The following ZNF37A variants were observed in gnomAD, a reference collection of about 807,000 sequenced individuals.
ZNF37A encodes the protein zinc finger protein 37a (KOX 21).
Under a neutral mutation model 12.3 loss-of-function variants are expected in ZNF37A, and 10 were observed. That is an observed-to-expected ratio of 0.82 (90% CI 0.50 to 1.38). ZNF37A has a LOEUF of 1.38. Ranked by LOEUF, ZNF37A falls within the 40% of genes most tolerant of loss-of-function variation. ZNF37A has a pLI of 0.00. For missense variants in ZNF37A, 580 were observed against 651.2 expected (o/e 0.89, Z 1.19); for synonymous variants, 207 against 223.0 (o/e 0.93, Z 0.64).
intron 5 of ZNF37A, among the ~76,000 whole-genome samples, chr10:38,104,336 T>C (rs2067849789): frequency 1.3e-5 from 2 of 152,216 alleles, no homozygotes; most frequent in Non-Finnish European, 2.9e-5. Flanking sequence ...TACAGTTCTC[T>C]GAAAACAAGG....
Position 38,115,259 on chromosome 10 carries a change from A to C in ZNF37A, c.207A>C (p.Leu69Phe), listed in dbSNP as rs2069177329. The C allele has an allele frequency of 6.2e-7, 1 of 1,613,784 alleles. No homozygotes were observed. The highest frequency in any genetic ancestry group is 8.5e-7 in the Non-Finnish European group (1 of 1,179,936). Residue 69 changes from leucine to phenylalanine, a missense_variant, in exon 7 of 8, where the codon TTA becomes TTC. Transcript: ENST00000685332. Reference sequence around the variant, plus strand: ...AGAAAGGCGAGGAGCCATGGATATTAGAGGAAAAATTTCCAAGCCAGAGTC... The same window carrying C: ...AGAAAGGCGAGGAGCCATGGATATTCGAGGAAAAATTTCCAAGCCAGAGTC... ...KLEKGEEPWI[L>F]EEKFPSQSHL...
intron 5 of ZNF37A, among the ~76,000 whole-genome samples, chr10:38,104,602 T>G (rs760488391): frequency 5.9e-5 from 9 of 152,140 alleles, no homozygotes; most frequent in Non-Finnish European, 1.3e-4. Flanking sequence ...GCCTGGCCCA[T>G]CTTGTCCTTT....
chr10:38,135,357 G>A (rs2070094362), intron 7 of ZNF37A, among the ~76,000 whole-genome samples: 1 of 152,332 alleles, frequency 6.6e-6, no homozygotes, highest in Non-Finnish European at 1.5e-5. Context: ...TTGCACTTCA[G>A]CCTGGTGACA....
At chr10:38,115,953 G>T (rs952056362) in intron 7 of ZNF37A, among the ~76,000 whole-genome samples, 2 of 151,974 alleles carry the variant, frequency 1.3e-5, no homozygotes, top group African/African-American at 4.8e-5. Context: ...TAATTTTTGT[G>T]ATCTCAGCTA....
In ZNF37A at chr10:38,096,480, G is replaced by A. The variant is rs368591138; in HGVS notation, c.-44-94G>A. The A allele has an allele frequency of 9.9e-5, 76 of 769,720 alleles. 1 individual carries two copies. In the East Asian group the frequency reaches 1.6e-3, roughly 16 times the overall value. 47.7% of individuals were successfully genotyped at this position (769,720 alleles called of 1,614,324 possible). On this transcript the variant is annotated intron_variant, in intron 4 of 7. Transcript: ENST00000685332. ...AATCATGCCAGAGTCATGCATGGGCGTGTGAGTATCTCCCTTTCAGAGATG... is the reference window on the plus strand; with the variant it reads ...AATCATGCCAGAGTCATGCATGGGCATGTGAGTATCTCCCTTTCAGAGATG...
intron 4 of ZNF37A, 22 bp from the exon 5 acceptor site, chr10:38,096,552 A>G: frequency 6.4e-7 from 1 of 1,572,808 alleles, no homozygotes; most frequent in Non-Finnish European, 8.7e-7. Flanking sequence ...GACATCACTC[A>G]TGATCTTTTC....
intron 7 of ZNF37A, among the ~76,000 whole-genome samples, chr10:38,145,635 C>T (rs1185732854): frequency 2.0e-5 from 3 of 152,170 alleles, no homozygotes; most frequent in African/African-American, 4.8e-5. Flanking sequence ...TGGGTCACTG[C>T]GCAGCGGAAA....
chr10:38,103,501 G>T (rs2067767813), intron 5 of ZNF37A, among the ~76,000 whole-genome samples: 5 of 152,124 alleles, frequency 3.3e-5, no homozygotes, highest in South Asian at 2.1e-4. Flanking sequence ...TAGAACAGAT[G>T]ATTTAAATTC....
chr10:38,145,465 T>TAAAATATTTTAAAGTATA (rs2070240549), intron 7 of ZNF37A, among the ~76,000 whole-genome samples: 1 of 152,228 alleles, frequency 6.6e-6, no homozygotes. Context: ...TTTTATACTT[T>TAAAATATTTTAAAGTATA]AAAATATGTG....
chr10:38,117,994 C>T lies in ZNF37A; in HGVS notation c.843C>T (p.Thr281=), dbSNP rs755526220. 6.2e-7 allele frequency: 1 copy of T among 1,613,776 alleles called. No individual in the cohort carries two copies. The highest frequency in any genetic ancestry group is 8.5e-7 in the Non-Finnish European group (1 of 1,179,970). The change falls in exon 8 of 8, where the codon ACC becomes ACT. Residue 281 remains threonine (T), a synonymous_variant. Transcript: ENST00000685332. Reference sequence around the variant, plus strand: ...GTCATGAATGTGGAAAAACCTTCACCCAGAAGTCAGCCCACACAAGACATC... The same window carrying T: ...GTCATGAATGTGGAAAAACCTTCACTCAGAAGTCAGCCCACACAAGACATC... ...YECHECGKTF[T]QKSAHTRHQR...
downstream of ZNF37A, chr10:38,125,636 A>G (rs2069913690): frequency 6.6e-6 from 1 of 152,222 alleles, no homozygotes; most frequent in African/African-American, 2.4e-5. Context: ...GCACAATACA[A>G]TAATTCCACT....
At chr10:38,145,825 G>A (rs1487457691) in intron 7 of ZNF37A, among the ~76,000 whole-genome samples, 2 of 152,332 alleles carry the variant, frequency 1.3e-5, no homozygotes, top group African/African-American at 4.8e-5. Flanking sequence ...AGCTGGGCGA[G>A]TGGTGGCTTA....
At chr10:38,109,955 T>A (rs1216598981) in intron 5 of ZNF37A, among the ~76,000 whole-genome samples, 1 of 152,184 alleles carries the variant, frequency 6.6e-6, no homozygotes, top group Non-Finnish European at 1.5e-5. Flanking sequence ...CCCATCAAGT[T>A]ACCATTAACA....
intron 7 of ZNF37A, chr10:38,137,768 C>A (rs1378471692): frequency 2.0e-5 from 3 of 152,156 alleles, no homozygotes; most frequent in Non-Finnish European, 2.9e-5. Flanking sequence ...CAAGCTGTCC[C>A]CTGGAAGCTG....
chr10:38,094,463 C>A lies in ZNF37A; in HGVS notation c.-519C>A, dbSNP rs2066974474. The A allele has an allele frequency of 6.6e-6, 1 of 152,028 alleles. No individual in the cohort carries two copies. The highest frequency in any genetic ancestry group is 1.5e-5 in the Non-Finnish European group (1 of 68,066). 9.4% of individuals were successfully genotyped at this position (152,028 alleles called of 1,614,324 possible). ...CTGACGGGGAGGGCTCCCGGCATCT[C>A]CTGGCGTCCGGGTAGAGGACGCGGA... On this transcript the variant is annotated 5_prime_UTR_variant, in exon 1 of 8. Transcript: ENST00000685332.
At position 38,118,341 on chromosome 10, in the gene ZNF37A, A is replaced by C. The variant is rs1441075655; in HGVS notation, c.1190A>C (p.Asp397Ala). The change falls in exon 8 of 8, where the codon GAC becomes GCC. Residue 397 changes from aspartate (D) to alanine (A), a missense_variant. Asp to Ala is a moderately radical substitution (Grantham distance 126). Coordinates refer to ENST00000685332, the MANE Select transcript of ZNF37A (RefSeq NM_001324250.3). ...ACGKAFLRKS[D>A]LIKHQRIHTG... ...GGGAAAGCCTTTCTCAGAAAATCAG[A>C]CCTCATTAAACATCAAAGAATACAC... 6.2e-7 allele frequency: 1 copy of C among 1,613,550 alleles called. No individual in the cohort carries two copies. Among genetic ancestry groups the C allele is most frequent in the African/African-American group, 1.3e-5 (1 of 74,792 alleles).
At chr10:38,112,869 GTGA>G (rs1564932965) in intron 5 of ZNF37A, among the ~76,000 whole-genome samples, 1 of 151,748 alleles carries the variant, frequency 6.6e-6, no homozygotes, top group South Asian at 2.1e-4. Flanking sequence ...GTACAGTGGT[GTGA>G]TCTTGGCTCA....
At chr10:38,108,361 G>A (rs535979502) in intron 5 of ZNF37A, among the ~76,000 whole-genome samples, 1 of 152,274 alleles carries the variant, frequency 6.6e-6, no homozygotes, top group African/African-American at 2.4e-5. Context: ...TGTCTAGAGG[G>A]AAGTTTGTAG....
intron 5 of ZNF37A, among the ~76,000 whole-genome samples, chr10:38,097,803 A>G (rs1003934345): frequency 6.6e-6 from 1 of 152,074 alleles, no homozygotes; most frequent in African/African-American, 2.4e-5. Flanking sequence ...AATACACATC[A>G]CATGAAATTC....
Sources: gnomAD v4.1 joint callset for allele counts (sites outside exome capture counted in the v4.1 genomes callset) on GRCh38, gnomAD v4.1.1 for gene constraint, MANE v1.5 for transcripts, NCBI Gene and HGNC (gene_info 2026-07-23, HGNC 2026-07-21) for gene names.